The following GRID2 variants were observed in gnomAD, a reference collection of about 807,000 sequenced individuals.
The protein encoded by GRID2 is glutamate receptor ionotropic, delta-2.
A neutral mutation model predicts 114.8 loss-of-function variants in GRID2; 33 were observed. That is an observed-to-expected ratio of 0.29 (90% CI 0.22 to 0.38). The LOEUF (loss-of-function observed/expected upper bound fraction) is 0.38. Among genes scored for constraint, GRID2 ranks in the 10% least tolerant of loss-of-function variants. The probability of loss-of-function intolerance (pLI) is 1.00; values close to 1 mark genes in which losing one functional copy is unlikely to be tolerated. For missense variants in GRID2, 1,184 were observed against 1,257.7 expected (o/e 0.94, Z 0.89); for synonymous variants, 505 against 449.9 (o/e 1.12, Z -1.55).
intron 3 of GRID2, among the ~76,000 whole-genome samples, chr4:93,090,649 A>C (rs926941224): frequency 6.6e-6 from 1 of 152,198 alleles, no homozygotes; most frequent in African/African-American, 2.4e-5. Flanking sequence ...AGATCTCATT[A>C]GTGTACTATA....
chr4:92,801,904 T>C (rs1257762574), intron 2 of GRID2, among the ~76,000 whole-genome samples: 1 of 151,840 alleles, frequency 6.6e-6, no homozygotes, highest in Non-Finnish European at 1.5e-5. Context: ...ACACAGGTAG[T>C]ATGTAGCATA....
chr4:92,614,171 T>C (rs1306484786), intron 2 of GRID2, among the ~76,000 whole-genome samples: 1 of 151,530 alleles, frequency 6.6e-6, no homozygotes, highest in East Asian at 1.9e-4. Context: ...TTGACAAATT[T>C]CTTCCTATCC....
At chr4:92,513,379 C>G (rs543912408) in intron 1 of GRID2, among the ~76,000 whole-genome samples, 5 of 151,920 alleles carry the variant, frequency 3.3e-5, no homozygotes, top group Non-Finnish European at 7.4e-5. Flanking sequence ...TCTGGGAACT[C>G]TATGCACATT....
chr4:92,892,053 T>C (rs979622545), intron 2 of GRID2, among the ~76,000 whole-genome samples: 6 of 144,508 alleles, frequency 4.2e-5, no homozygotes, highest in African/African-American at 1.5e-4. Context: ...TAATAGCTGG[T>C]TTTTTTTTTT....
At chr4:92,920,538 G>A (rs1749229871) in intron 2 of GRID2, among the ~76,000 whole-genome samples, 1 of 152,142 alleles carries the variant, frequency 6.6e-6, no homozygotes, top group African/African-American at 2.4e-5. Flanking sequence ...TTTAGGGCAG[G>A]CCTGGTGTTG....
intron 1 of GRID2, among the ~76,000 whole-genome samples, chr4:92,452,806 TATATA>T (rs1040162146): frequency 1.4e-5 from 2 of 145,538 alleles, no homozygotes; most frequent in Non-Finnish European, 3.0e-5. Flanking sequence ...GATACATGTA[TATATA>T]ATATATGTTT....
At chr4:92,440,840 G>T (rs1733015464) in intron 1 of GRID2, among the ~76,000 whole-genome samples, 1 of 152,130 alleles carries the variant, frequency 6.6e-6, no homozygotes, top group Non-Finnish European at 1.5e-5. Flanking sequence ...GGAATAATGT[G>T]GGAGGCTGAA....
intron 1 of GRID2, among the ~76,000 whole-genome samples, chr4:92,472,838 T>A (rs1295450227): frequency 6.6e-6 from 1 of 152,160 alleles, no homozygotes; most frequent in African/African-American, 2.4e-5. Flanking sequence ...TTGTCGACTG[T>A]ATGATTTGCA....
At chr4:93,624,288 A>G (rs1742487701) in intron 13 of GRID2, among the ~76,000 whole-genome samples, 2 of 152,160 alleles carry the variant, frequency 1.3e-5, no homozygotes, top group Non-Finnish European at 2.9e-5. Context: ...TTTTGTCTCT[A>G]CTGGATGATA....
chr4:93,081,489 A>G (rs1391854373), intron 2 of GRID2, among the ~76,000 whole-genome samples: 1 of 152,150 alleles, frequency 6.6e-6, no homozygotes, highest in Non-Finnish European at 1.5e-5. Flanking sequence ...ACAAAGGGCA[A>G]AAGTGTTGCA....
intron 14 of GRID2, among the ~76,000 whole-genome samples, chr4:93,737,142 A>G (rs1322913528): frequency 6.6e-6 from 1 of 152,086 alleles, no homozygotes; most frequent in Non-Finnish European, 1.5e-5. Flanking sequence ...ATATGATGCC[A>G]TAGTAAAAGC....
At chr4:92,880,658 T>C (rs953070090) in intron 2 of GRID2, among the ~76,000 whole-genome samples, 5 of 152,172 alleles carry the variant, frequency 3.3e-5, no homozygotes, top group Non-Finnish European at 7.4e-5. Flanking sequence ...ATAATAAATA[T>C]GGCCTTTTCA....
intron 2 of GRID2, among the ~76,000 whole-genome samples, chr4:92,720,498 C>G (rs1235516098): frequency 6.6e-6 from 1 of 151,648 alleles, no homozygotes; most frequent in East Asian, 1.9e-4. Flanking sequence ...GTATTGTACA[C>G]TAATTAAAAA....
chr4:93,074,653 A>G lies in GRID2; in HGVS notation c.245-10342A>G, dbSNP rs531387736. Among the ~76,000 whole-genome samples, 3 of 152,308 alleles carry G rather than the reference A, an allele frequency of 2.0e-5. No individual in the cohort carries two copies. The South Asian group carries it at 6.2e-4, about 32-fold the overall frequency. On this transcript the variant is annotated intron_variant, in intron 2 of 15. Coordinates refer to ENST00000282020, the MANE Select transcript of GRID2 (RefSeq NM_001510.4). Reference sequence around the variant, plus strand: ...GGAAATTGTGAAGATCAGAGCCGAAATCAATGAGATAGAGAACAGAAGCAA... The same window carrying G: ...GGAAATTGTGAAGATCAGAGCCGAAGTCAATGAGATAGAGAACAGAAGCAA...
chr4:93,389,569 AT>A (rs1764643571), intron 8 of GRID2, among the ~76,000 whole-genome samples: 1 of 152,182 alleles, frequency 6.6e-6, no homozygotes, highest in East Asian at 1.9e-4. Flanking sequence ...CAACAATACT[AT>A]GATAAGAGCT....
intron 13 of GRID2, among the ~76,000 whole-genome samples, chr4:93,538,357 A>G (rs1732309259): frequency 6.6e-6 from 1 of 151,836 alleles, no homozygotes; most frequent in Non-Finnish European, 1.5e-5. Flanking sequence ...ATTACAACCC[A>G]AACTCTAAAT....
intron 1 of GRID2, among the ~76,000 whole-genome samples, chr4:92,360,735 G>T (rs1271219927): frequency 6.6e-6 from 1 of 151,852 alleles, no homozygotes; most frequent in African/African-American, 2.4e-5. Context: ...AGAAGCAGAG[G>T]TATGGAAGAC....
intron 1 of GRID2, among the ~76,000 whole-genome samples, chr4:92,331,470 C>T (rs949214506): frequency 1.3e-5 from 2 of 152,120 alleles, no homozygotes; most frequent in Non-Finnish European, 2.9e-5. Context: ...AGGAATGGCG[C>T]TTTGCTTTTC....
chr4:92,340,035 TA>T (rs1206159575), intron 1 of GRID2, among the ~76,000 whole-genome samples: 1 of 152,146 alleles, frequency 6.6e-6, no homozygotes, highest in African/African-American at 2.4e-5. Context: ...TGTATATTTA[TA>T]CTCCACAAAG....
Sources: allele counts gnomAD v4.1 joint callset (sites outside exome capture counted in the v4.1 genomes callset), GRCh38; gene constraint gnomAD v4.1.1; transcripts MANE v1.5; gene names NCBI Gene and HGNC (gene_info 2026-07-23, HGNC 2026-07-21).